CFAP20DC: variants seen among roughly 807,000 people sequenced by gnomAD.
CFAP20DC encodes protein CFAP20DC.
CFAP20DC carries 84 observed loss-of-function variants against 101.7 expected under a neutral mutation model. The observed-to-expected ratio is 0.83, with a 90% CI of 0.69 to 0.99. The LOEUF is 0.99. Ranked by LOEUF, CFAP20DC falls within the 50% of genes least tolerant of loss-of-function variation. The pLI is 0.00. For synonymous variants in CFAP20DC, 359 were observed against 351.2 expected, an observed-to-expected ratio of 1.02 and a Z score of -0.25; for missense variants, 1,007 against 970.3, an observed-to-expected ratio of 1.04 and a Z score of -0.50.
intron 4 of CFAP20DC, among the ~76,000 whole-genome samples, chr3:58,941,061 T>A (rs1340234217): frequency 6.6e-6 from 1 of 152,148 alleles, no homozygotes; most frequent in Non-Finnish European, 1.5e-5. Flanking sequence ...CCAGGCGCAG[T>A]GGCTCATGCC....
In CFAP20DC at chr3:58,899,715, C is replaced by G. The variant is rs1005062983; in HGVS notation, c.550+13993G>C. 4.6e-5 allele frequency among the ~76,000 whole-genome samples: 7 copies of G among 152,154 alleles called. No homozygotes were observed. The highest frequency in any genetic ancestry group is 1.4e-4 in the African/African-American group (6 of 41,426). ...CACAATCACTCACCGCTTCCCTTGGCTGGGGTGGGGGGACTGTTGGCTTCA... is the reference window on the plus strand; with the variant it reads ...CACAATCACTCACCGCTTCCCTTGGGTGGGGTGGGGGGACTGTTGGCTTCA... On this transcript the variant is annotated intron_variant, in intron 6 of 16. Coordinates refer to ENST00000482387, the MANE Select transcript of CFAP20DC (RefSeq NM_001394063.1). The surrounding 1 kb of genome is among the most constrained non-coding windows in gnomAD (Gnocchi z 5.0).
chr3:59,026,577 A>G (rs1459296812), intron 4 of CFAP20DC, among the ~76,000 whole-genome samples: 1 of 152,188 alleles, frequency 6.6e-6, no homozygotes, highest in East Asian at 1.9e-4. Flanking sequence ...TGACCTAAAG[A>G]TATCAAATTT....
intron 15 of CFAP20DC, among the ~76,000 whole-genome samples, chr3:58,801,889 C>A (rs1248494488): frequency 6.6e-6 from 1 of 152,200 alleles, no homozygotes; most frequent in East Asian, 1.9e-4. Flanking sequence ...AGATAAGTGA[C>A]AAATCATTGA....
intron 5 of CFAP20DC, among the ~76,000 whole-genome samples, chr3:58,916,048 T>C (rs560150529): frequency 7.2e-5 from 11 of 152,308 alleles, no homozygotes; most frequent in African/African-American, 2.6e-4. Flanking sequence ...ATGTAAATAC[T>C]GTATACATCT....
In CFAP20DC at chr3:59,049,652, T is replaced by C; in HGVS notation, c.-21A>G. On this transcript the variant is annotated 5_prime_UTR_variant, in exon 1 of 17. Coordinates refer to ENST00000482387, the MANE Select transcript of CFAP20DC (RefSeq NM_001394063.1). ...AACATTCCCGCAGGGGGCCCAGGGC[T>C]TGGGGGGCACAGAGTTCAGGGTTTC... 1 of 1,535,854 alleles carries C rather than the reference T, an allele frequency of 6.5e-7. No homozygotes were observed. Among genetic ancestry groups the C allele is most frequent in the Non-Finnish European group, 8.7e-7 (1 of 1,146,676 alleles).
At chr3:58,925,487 C>T (rs904548284) in intron 5 of CFAP20DC, among the ~76,000 whole-genome samples, 1 of 152,166 alleles carries the variant, frequency 6.6e-6, no homozygotes, top group Non-Finnish European at 1.5e-5. Flanking sequence ...CTGGCACAGA[C>T]CTTGGCCCAC....
chr3:58,962,338 C>T (rs1275987393), intron 4 of CFAP20DC, among the ~76,000 whole-genome samples: 1 of 152,080 alleles, frequency 6.6e-6, no homozygotes, highest in Non-Finnish European at 1.5e-5. Flanking sequence ...TTTTTTATCT[C>T]ATGTTTATTT....
chr3:58,770,441 T>G (rs938076803), intron 15 of CFAP20DC, among the ~76,000 whole-genome samples: 1 of 151,526 alleles, frequency 6.6e-6, no homozygotes, highest in Non-Finnish European at 1.5e-5. Context: ...TATAAGAGAG[T>G]GAAGTAAGTG....
intron 14 of CFAP20DC, among the ~76,000 whole-genome samples, chr3:58,812,520 A>G (rs1427026756): frequency 2.0e-5 from 3 of 151,550 alleles, no homozygotes; most frequent in East Asian, 3.9e-4. Context: ...ACACATGGAC[A>G]CAGGAAGGGG....
At chr3:58,812,513 C>T (rs1183467923) in intron 14 of CFAP20DC, among the ~76,000 whole-genome samples, 2 of 150,972 alleles carry the variant, frequency 1.3e-5, no homozygotes, top group Admixed American at 1.3e-4. Flanking sequence ...AATGAGAACA[C>T]ATGGACACAG....
intron 3 of CFAP20DC, among the ~76,000 whole-genome samples, chr3:58,720,737 C>T (rs1056210763): frequency 1.3e-5 from 2 of 152,142 alleles, no homozygotes; most frequent in Admixed American, 6.5e-5. Context: ...TTAAGTTTAA[C>T]AGTGTCAAAG....
downstream of CFAP20DC, among the ~76,000 whole-genome samples, chr3:58,741,765 T>C (rs887017764): frequency 6.6e-6 from 1 of 152,122 alleles, no homozygotes; most frequent in Non-Finnish European, 1.5e-5. Flanking sequence ...CAAGATTTTT[T>C]TTTTTAAAAG....
chr3:58,914,213 A>AT lies in CFAP20DC; in HGVS notation c.394-350dup, dbSNP rs1277598924. Among the ~76,000 whole-genome samples the AT allele has an allele frequency of 6.6e-6, 1 of 152,190 alleles. No homozygotes were observed. The highest frequency in any genetic ancestry group is 1.5e-5 in the Non-Finnish European group (1 of 68,028). Reference sequence around the variant, plus strand: ...ACCAGTGACATCTTGAAAATCAGAGATAAGTAGCCAATTGTTCCTTCAAGG... The same window carrying AT: ...ACCAGTGACATCTTGAAAATCAGAGATTAAGTAGCCAATTGTTCCTTCAAGG... On this transcript the variant is annotated intron_variant, in intron 5 of 16. Transcript: ENST00000482387. This position sits in a 1 kb window ranked among gnomAD's most constrained non-coding sequence, Gnocchi z 4.9.
chr3:58,878,059 T>A (rs1338227375), intron 7 of CFAP20DC, among the ~76,000 whole-genome samples: 1 of 152,138 alleles, frequency 6.6e-6, no homozygotes, highest in Non-Finnish European at 1.5e-5. Flanking sequence ...TGTGGCTAAT[T>A]TGAGAGTGCA....
chr3:58,940,682 T>C lies in CFAP20DC; in HGVS notation c.279-2920A>G, dbSNP rs117465584. 8.7e-4 allele frequency among the ~76,000 whole-genome samples: 133 copies of C among 152,344 alleles called. 1 individual carries two copies. In the East Asian group the frequency reaches 0.017, roughly 20 times the overall value. On this transcript the variant is annotated intron_variant, in intron 4 of 16. Coordinates refer to ENST00000482387, the MANE Select transcript of CFAP20DC (RefSeq NM_001394063.1). The stretch of plus-strand genomic sequence containing the variant: ...TATACCAATAATACACTATCTTGAT[T>C]ACTGTAGATTTAGAGTAAGTCTTGA...
In CFAP20DC at chr3:58,835,188, G is replaced by A. The variant is rs367768202; in HGVS notation, c.1972-3299C>T. On this transcript the variant is annotated intron_variant, in intron 13 of 16. Transcript: ENST00000482387. ...TACTTCTGTCGTCATGGAGTTCACA[G>A]TCTACAAAGGGAGACCTGAGAGGTA... 2.6e-5 allele frequency among the ~76,000 whole-genome samples: 4 copies of A among 152,254 alleles called. No individual in the cohort carries two copies. In the East Asian group the frequency reaches 7.7e-4, roughly 29 times the overall value.
downstream of CFAP20DC, among the ~76,000 whole-genome samples, chr3:58,738,494 C>T (rs58133464): frequency 0.056 from 8,587 of 152,286 alleles, 526 homozygotes; most frequent in East Asian, 0.35. This position sits in a 1 kb window ranked among gnomAD's most constrained non-coding sequence, Gnocchi z 4.4. Flanking sequence ...CCAGCTCCAT[C>T]AATGTCCCTG....
At chr3:58,761,787 G>A (rs545038613) in intron 15 of CFAP20DC, among the ~76,000 whole-genome samples, 4 of 152,144 alleles carry the variant, frequency 2.6e-5, no homozygotes, top group Non-Finnish European at 4.4e-5. Context: ...CCTTCATGTT[G>A]TTATGTATGC....
intron 15 of CFAP20DC, among the ~76,000 whole-genome samples, chr3:58,796,701 C>CTGTTT (rs1262949083): frequency 6.6e-6 from 1 of 152,086 alleles, no homozygotes; most frequent in Non-Finnish European, 1.5e-5. Context: ...TTGTGTTTTG[C>CTGTTT]TATATTGTTC....
Sources: gnomAD v4.1 joint callset for allele counts (sites outside exome capture counted in the v4.1 genomes callset) on GRCh38, gnomAD v4.1.1 for gene constraint, Gnocchi (gnomAD v3.1) non-coding constraint, MANE v1.5 for transcripts, NCBI Gene and HGNC (gene_info 2026-07-23, HGNC 2026-07-21) for gene names.